The following GNAQ variants were observed in gnomAD, a reference collection of about 807,000 sequenced individuals.
GNAQ encodes the protein guanine nucleotide-binding protein G(q) subunit alpha.
In GNAQ, 8 loss-of-function variants were observed where a neutral mutation model predicts 43.9. The observed-to-expected ratio is 0.18, with a 90% CI of 0.11 to 0.33. GNAQ has a LOEUF of 0.33. Among genes scored for constraint, GNAQ ranks in the 10% least tolerant of loss-of-function variants. GNAQ has a pLI of 1.00. For synonymous variants in GNAQ, 155 were observed against 170.7 expected, an observed-to-expected ratio of 0.91 and a Z score of 0.71; for missense variants, 158 against 450.8, an observed-to-expected ratio of 0.35 and a Z score of 5.88.
chr9:77,925,997 A>G (rs1746808195), intron 1 of GNAQ, among the ~76,000 whole-genome samples: 1 of 152,124 alleles, frequency 6.6e-6, no homozygotes, highest in Non-Finnish European at 1.5e-5. Flanking sequence ...CATTTGTATT[A>G]TTTTTACTGT....
intron 3 of GNAQ, among the ~76,000 whole-genome samples, chr9:77,805,267 A>C (rs1233539893): frequency 6.6e-6 from 1 of 152,120 alleles, no homozygotes; most frequent in Non-Finnish European, 1.5e-5. Flanking sequence ...CACTCCACAA[A>C]CACTTCCATC....
At chr9:77,890,204 T>C (rs936711931) in intron 2 of GNAQ, among the ~76,000 whole-genome samples, 3 of 152,292 alleles carry the variant, frequency 2.0e-5, no homozygotes, top group South Asian at 2.1e-4. Context: ...TATTGGTTAT[T>C]TGGGTTGGCA....
At chr9:77,991,832 T>A (rs1222626694) in intron 1 of GNAQ, among the ~76,000 whole-genome samples, 1 of 152,218 alleles carries the variant, frequency 6.6e-6, no homozygotes, top group Non-Finnish European at 1.5e-5. Flanking sequence ...AGTTTTCCAT[T>A]CCTGAGTTAC....
chr9:78,018,747 C>CA (rs1248959802), intron 1 of GNAQ, among the ~76,000 whole-genome samples: 3 of 151,764 alleles, frequency 2.0e-5, no homozygotes, highest in Admixed American at 6.6e-5. Context: ...TATTTCATTC[C>CA]AAAAAGAGAA....
chr9:77,976,237 T>C (rs1823299993), intron 1 of GNAQ, among the ~76,000 whole-genome samples: 1 of 152,222 alleles, frequency 6.6e-6, no homozygotes, highest in African/African-American at 2.4e-5. Context: ...CAAAGTAAAG[T>C]GCCCAGTAAA....
intron 6 of GNAQ, among the ~76,000 whole-genome samples, chr9:77,725,114 T>C (rs1825378463): frequency 6.6e-6 from 1 of 151,858 alleles, no homozygotes; most frequent in Admixed American, 6.6e-5. Context: ...CCCTACAGAA[T>C]ATAAGAACTA....
intron 2 of GNAQ, among the ~76,000 whole-genome samples, chr9:77,883,650 C>G (rs754828288): frequency 6.6e-6 from 1 of 151,198 alleles, no homozygotes; most frequent in Non-Finnish European, 1.5e-5. Context: ...CCCGCCCCCA[C>G]TCTCCTCGCT....
chr9:77,985,170 C>T (rs1032753013), intron 1 of GNAQ, among the ~76,000 whole-genome samples: 1 of 152,044 alleles, frequency 6.6e-6, no homozygotes, highest in African/African-American at 2.4e-5. Context: ...ATTAGCCAGG[C>T]ATGGTGGTAG....
rs114954797 is a variant in GNAQ, at chr9:77,732,227, C to T, written c.736-3560G>A. On this transcript the variant is annotated intron_variant, in intron 5 of 6. Transcript: ENST00000286548. ...ATCAATGTACGAGCCACGTGTATGACCCATAATATAAAACAAGGAGGTTTT... is the reference window on the plus strand; with the variant it reads ...ATCAATGTACGAGCCACGTGTATGATCCATAATATAAAACAAGGAGGTTTT... Among the ~76,000 whole-genome samples the T allele has an allele frequency of 4.3e-3, 649 of 152,184 alleles. 4 individuals carry two copies. The highest frequency in any genetic ancestry group is 0.015 in the African/African-American group (620 of 41,516).
At chr9:77,797,671 A>G (rs1266753197) in intron 3 of GNAQ, 23 bp from the exon 4 acceptor site, 1 of 1,610,344 alleles carries the variant, frequency 6.2e-7, no homozygotes, top group African/African-American at 1.3e-5. Flanking sequence ...AGACACAATG[A>G]GAATGTCAGT....
intron 1 of GNAQ, among the ~76,000 whole-genome samples, chr9:78,006,901 T>G (rs1328900971): frequency 6.6e-6 from 1 of 152,146 alleles, no homozygotes; most frequent in African/African-American, 2.4e-5. Flanking sequence ...TCTTTGCTAG[T>G]GAGGTTTAGC....
intron 2 of GNAQ, among the ~76,000 whole-genome samples, chr9:77,919,947 T>G (rs1446648284): frequency 1.3e-5 from 2 of 152,112 alleles, no homozygotes; most frequent in African/African-American, 4.8e-5. Context: ...CAAGATCACC[T>G]GGTCAACATG....
chr9:77,736,030 G>A (rs1256015754), intron 5 of GNAQ, among the ~76,000 whole-genome samples: 2 of 152,142 alleles, frequency 1.3e-5, no homozygotes, highest in Non-Finnish European at 2.9e-5. Context: ...TCCTGGTTAG[G>A]CAATTTGCTC....
chr9:77,994,457 TCAGAACTTTGTGGAA>T (rs759471288), intron 1 of GNAQ, among the ~76,000 whole-genome samples: 29 of 152,252 alleles, frequency 1.9e-4, no homozygotes, highest in Non-Finnish European at 3.4e-4. Flanking sequence ...TACTATTCCT[TCAGAACTTTGTGGAA>T]CACTTTATCC....
intron 3 of GNAQ, among the ~76,000 whole-genome samples, chr9:77,798,166 T>G (rs1457794018): frequency 6.6e-6 from 1 of 152,212 alleles, no homozygotes; most frequent in South Asian, 2.1e-4. Context: ...AGAGCCTAAG[T>G]CATTCATGAT....
intron 1 of GNAQ, among the ~76,000 whole-genome samples, chr9:77,944,992 C>T (rs990022938): frequency 2.0e-5 from 3 of 152,174 alleles, no homozygotes; most frequent in African/African-American, 7.2e-5. Flanking sequence ...TTCAGCAAGG[C>T]GGCTGGGGAA....
chr9:77,995,547 G>A (rs1823558177), intron 1 of GNAQ, among the ~76,000 whole-genome samples: 16 of 152,078 alleles, frequency 1.1e-4, no homozygotes, highest in Admixed American at 1.0e-3. Flanking sequence ...CTTGAGTGCA[G>A]TGGTGGGATC....
chr9:77,761,352 C>T (rs1423183216), intron 5 of GNAQ, among the ~76,000 whole-genome samples: 4 of 135,348 alleles, frequency 3.0e-5, no homozygotes, highest in African/African-American at 1.1e-4. Flanking sequence ...CGGCCAGCCG[C>T]CCCGTCCGGG....
chr9:77,777,202 T>C (rs1371688297), intron 5 of GNAQ, among the ~76,000 whole-genome samples: 1 of 152,100 alleles, frequency 6.6e-6, no homozygotes, highest in Non-Finnish European at 1.5e-5. Flanking sequence ...AAGTTGGGCC[T>C]TTTCTTATAC....
Sources: gnomAD v4.1 joint callset for allele counts (sites outside exome capture counted in the v4.1 genomes callset) on GRCh38, gnomAD v4.1.1 for gene constraint, MANE v1.5 for transcripts, NCBI Gene and HGNC (gene_info 2026-07-23, HGNC 2026-07-21) for gene names.